The following WFS1 variants were observed in gnomAD, a reference collection of about 807,000 sequenced individuals.
The protein encoded by WFS1 is wolframin.
In WFS1, 90 loss-of-function variants were observed where a neutral mutation model predicts 68.5. The ratio of observed to expected loss-of-function variants is 1.31; its 90% CI spans 1.11 to 1.56. WFS1 has a LOEUF of 1.56. WFS1 is among the 40% of genes most tolerant of loss of function. The pLI, the probability that WFS1 is intolerant of heterozygous loss-of-function variation, is 0.00. For synonymous variants in WFS1, 860 were observed against 540.7 expected (o/e 1.59, Z -8.19); for missense variants, 1,767 against 1,232.6 (o/e 1.43, Z -6.49).
intron 2 of WFS1, among the ~76,000 whole-genome samples, chr4:6,278,275 G>A (rs1170827306): frequency 6.6e-6 from 1 of 152,234 alleles, no homozygotes; most frequent in Non-Finnish European, 1.5e-5. Context: ...GGTGTTCACA[G>A]GCAGAGCTGA....
intron 6 of WFS1, 126 bp from the exon 7 acceptor site, chr4:6,294,915 A>G: frequency 4.6e-6 from 7 of 1,520,300 alleles, no homozygotes; most frequent in Non-Finnish European, 6.3e-6. Context: ...GGTTTCCTCC[A>G]CCTGAACCCA....
intron 1 of WFS1, among the ~76,000 whole-genome samples, chr4:6,275,780 G>A (rs995114653): frequency 6.6e-6 from 1 of 152,162 alleles, no homozygotes; most frequent in East Asian, 1.9e-4. Context: ...TGTGTGTGGA[G>A]CCTGGGGCCA....
At chr4:6,276,225 C>G (rs115754354) in intron 1 of WFS1, among the ~76,000 whole-genome samples, 2,386 of 152,310 alleles carry the variant, frequency 0.016, 56 homozygotes, top group African/African-American at 0.053. Context: ...CATCCCACCC[C>G]TAACGCCGCT....
chr4:6,289,007 G>A lies in WFS1; in HGVS notation c.336G>A (p.Gln112=). 3.7e-6 allele frequency: 6 copies of A among 1,608,622 alleles called. No homozygotes were observed. Among genetic ancestry groups the A allele is most frequent in the Non-Finnish European group, 5.1e-6 (6 of 1,177,898 alleles). Residue 112 remains glutamine (Q), a synonymous_variant, in exon 4 of 8, where the codon CAG becomes CAA. Coordinates refer to ENST00000226760, the MANE Select transcript of WFS1 (RefSeq NM_006005.3). Reference sequence around the variant, plus strand: ...TGCAGGTGGGGAAGCACTACCTGCAGTTGGCCGGCGACACGGATGAAGAAC... The same window carrying A: ...TGCAGGTGGGGAAGCACTACCTGCAATTGGCCGGCGACACGGATGAAGAAC... The part of the protein sequence containing the change: ...AQTEVGKHYL[Q]LAGDTDEELN...
At position 6,301,273 on chromosome 4, in the gene WFS1, T is replaced by C. The variant is rs767366742; in HGVS notation, c.1478T>C (p.Val493Ala). 1.5e-5 allele frequency: 24 copies of C among 1,611,318 alleles called. No individual in the cohort carries two copies. The African/African-American group carries it at 2.9e-4, about 20-fold the overall frequency. The change falls in exon 8 of 8, where the codon GTC becomes GCC. Residue 493 changes from valine to alanine, a missense_variant. By Grantham distance (64) the Val-to-Ala change is moderately conservative (BLOSUM62 0). Coordinates refer to ENST00000226760, the MANE Select transcript of WFS1 (RefSeq NM_006005.3). ...GGCCAGACCTTCATCACCGTGCCTG[T>C]CGGCCACCTGGTCGTCCTCAACGTC... ...VLGQTFITVP[V>A]GHLVVLNVSV...
chr4:6,294,112 T>C (rs892775007), intron 6 of WFS1, among the ~76,000 whole-genome samples: 2 of 152,196 alleles, frequency 1.3e-5, no homozygotes, highest in Non-Finnish European at 2.9e-5. Flanking sequence ...GCTGCCATCT[T>C]GGATGCAGCC....
intron 6 of WFS1, among the ~76,000 whole-genome samples, chr4:6,292,353 GAGGGCATTAGGGGAAGGGGCTCC>G (rs1730490032): frequency 6.6e-6 from 1 of 152,152 alleles, no homozygotes; most frequent in South Asian, 2.1e-4. Context: ...GAAGGATGAG[GAGGGCATTAGGGGAAGGGGCTCC>G]GGGCAGAGGG....
rs375904080 is a variant in WFS1 at position 6,291,980 on chromosome 4, G to C, written c.695G>C (p.Arg232Pro). Residue 232 changes from arginine (R) to proline (P), a missense_variant, in exon 6 of 8, where the codon CGC (arginine) becomes CCC (proline). Physicochemically the swap from Arg to Pro is moderately radical, Grantham distance 103. Transcript: ENST00000226760. ...SLQKQRRMLE[R>P]LVSSESKNYI... ...CAGAAGCAGAGGCGCATGCTGGAGC[G>C]CCTGGTCAGCAGCGAGTGTGAGTGC... 1.9e-6 allele frequency: 3 copies of C among 1,608,434 alleles called. No individual in the cohort carries two copies. Among genetic ancestry groups the C allele is most frequent in the Non-Finnish European group, 2.5e-6 (3 of 1,178,462 alleles).
chr4:6,291,031 G>GGCACA (rs56102017), intron 4 of WFS1, among the ~76,000 whole-genome samples, 166 bp from the exon 5 acceptor site: 1 of 151,644 alleles, frequency 6.6e-6, no homozygotes, highest in African/African-American at 2.4e-5. Flanking sequence ...GGCGTGGCGC[G>GGCACA]ATGTCCTCTT....
At chr4:6,291,840 C>T (rs561318481) in intron 5 of WFS1, 77 bp from the exon 6 acceptor site, 36 of 1,467,158 alleles carry the variant, frequency 2.5e-5, no homozygotes, top group East Asian at 2.0e-4. Context: ...AGGAACAGTG[C>T]GCCAGTTTCT....
At chr4:6,292,939 C>T (rs1406991191) in intron 6 of WFS1, among the ~76,000 whole-genome samples, 1 of 152,216 alleles carries the variant, frequency 6.6e-6, no homozygotes, top group Non-Finnish European at 1.5e-5. Context: ...AGGGTGTGGT[C>T]AGAGCCCTCG....
chr4:6,274,303 T>C (rs1460703778), intron 1 of WFS1, among the ~76,000 whole-genome samples: 1 of 152,124 alleles, frequency 6.6e-6, no homozygotes. Flanking sequence ...CGCCTCGGCC[T>C]CCCAAAGTGC....
chr4:6,298,658 ACT>A (rs1730722914), intron 7 of WFS1, among the ~76,000 whole-genome samples: 1 of 140,970 alleles, frequency 7.1e-6, no homozygotes, highest in African/African-American at 2.5e-5. Context: ...GCATGCACAC[ACT>A]CATAACACTT....
Position 6,302,406 on chromosome 4 carries a change from G to A in WFS1, c.2611G>A (p.Val871Met), listed in dbSNP as rs71532874. The A allele has an allele frequency of 9.9e-3, 16,024 of 1,613,120 alleles. 92 individuals carry two copies. Among genetic ancestry groups the A allele is most frequent in the Non-Finnish European group, 0.012 (14,043 of 1,180,004 alleles). The change falls in exon 8 of 8, where the codon GTG becomes ATG. Residue 871 changes from valine (V) to methionine (M), a missense_variant. Physicochemically the swap from Val to Met is conservative, Grantham distance 21 (BLOSUM62 1). Coordinates refer to ENST00000226760, the MANE Select transcript of WFS1 (RefSeq NM_006005.3). ...VKIEHDWRST[V>M]HGAVKFAFDF... The stretch of plus-strand genomic sequence containing the variant: ...GATCGAGCACGACTGGCGCAGCACC[G>A]TGCATGGCGCCGTGAAGTTCGCCTT...
At position 6,302,213 on chromosome 4, in the gene WFS1, C is replaced by T; in HGVS notation, c.2418C>T (p.Ala806=). 1.2e-6 allele frequency: 2 copies of T among 1,610,970 alleles called. No individual in the cohort carries two copies. Among genetic ancestry groups the T allele is most frequent in the Non-Finnish European group, 1.7e-6 (2 of 1,178,800 alleles). Residue 806 remains alanine (A), a synonymous_variant, in exon 8 of 8, where the codon GCC becomes GCT. Coordinates refer to ENST00000226760, the MANE Select transcript of WFS1 (RefSeq NM_006005.3). ...TCACCAAGGACATCGTGCTGCGGGC[C>T]AGCAGCGAGTTCAAGAGCGTGCTGC... ...DDVTKDIVLR[A]SSEFKSVLLS...
chr4:6,296,426 G>A (rs940072556), intron 7 of WFS1, among the ~76,000 whole-genome samples: 2 of 152,194 alleles, frequency 1.3e-5, no homozygotes, highest in Non-Finnish European at 2.9e-5. Flanking sequence ...GTATGACACC[G>A]ACCGGTCTGC....
rs754090711 is a variant in WFS1 at position 6,301,000 on chromosome 4, T to G, written c.1205T>G (p.Leu402Arg). ...GAGGTCAACTTCGGCTGGAACCACC[T>G]GGAGCCCTATGCCCATTTCCTGCTC... is the stretch of plus-strand genomic sequence containing the variant. ...QAEVNFGWNH[L>R]EPYAHFLLSV... The change falls in exon 8 of 8, where the codon CTG becomes CGG. Residue 402 changes from leucine to arginine, a missense_variant. Leu to Arg is a moderately radical substitution (Grantham distance 102, BLOSUM62 -2). Transcript: ENST00000226760. The G allele has an allele frequency of 1.9e-6, 3 of 1,613,904 alleles. No homozygotes were observed. The highest frequency in any genetic ancestry group is 1.1e-5 in the South Asian group (1 of 91,088).
chr4:6,286,054 G>A (rs1730300662), intron 2 of WFS1, among the ~76,000 whole-genome samples: 1 of 152,118 alleles, frequency 6.6e-6, no homozygotes, highest in Non-Finnish European at 1.5e-5. Flanking sequence ...AAAACAAGAG[G>A]TTATTGGAAG....
At chr4:6,293,498 C>T (rs980787771) in intron 6 of WFS1, among the ~76,000 whole-genome samples, 6 of 147,710 alleles carry the variant, frequency 4.1e-5, no homozygotes, top group African/African-American at 7.6e-5. Context: ...CATGTTATTC[C>T]ACCAAAGCGG....
Sources: allele counts gnomAD v4.1 joint callset (sites outside exome capture counted in the v4.1 genomes callset), GRCh38; gene constraint gnomAD v4.1.1; transcripts MANE v1.5; gene names NCBI Gene and HGNC (gene_info 2026-07-23, HGNC 2026-07-21).